Variants in ELOVL4 observed in about 807,000 individuals in gnomAD.
The protein encoded by ELOVL4 is very long chain fatty acid elongase 4.
In ELOVL4, 18 loss-of-function variants were observed where a neutral mutation model predicts 42.1. That is an observed-to-expected ratio of 0.43 (90% CI 0.30 to 0.63). The LOEUF (loss-of-function observed/expected upper bound fraction) is 0.63, where lower values mean the gene tolerates loss of function less well. Ranked by LOEUF, ELOVL4 falls within the 30% of genes least tolerant of loss-of-function variation. The pLI is 0.15. For missense variants in ELOVL4, 299 were observed against 376.2 expected, an observed-to-expected ratio of 0.79 and a Z score of 1.70; for synonymous variants, 117 against 127.0, an observed-to-expected ratio of 0.92 and a Z score of 0.53.
At chr6:79,941,986 GACA>G (rs1316645022) in intron 1 of ELOVL4, among the ~76,000 whole-genome samples, 2 of 152,334 alleles carry the variant, frequency 1.3e-5, no homozygotes, top group South Asian at 2.1e-4. Context: ...GCTCCTGTGA[GACA>G]ACAACTTGCT....
Position 79,916,450 on chromosome 6 carries a change from G to A in ELOVL4, c.*158C>T. The A allele has an allele frequency of 1.3e-6, 1 of 780,362 alleles. No individual in the cohort carries two copies. The highest frequency in any genetic ancestry group is 2.1e-6 in the Non-Finnish European group (1 of 472,218). The allele number at this position is 780,362 out of a possible 1,614,324, so 48.3% of individuals were successfully genotyped here. On this transcript the variant is annotated 3_prime_UTR_variant, in exon 6 of 6. Coordinates refer to ENST00000369816, the MANE Select transcript of ELOVL4 (RefSeq NM_022726.4). The stretch of plus-strand genomic sequence containing the variant: ...TTCATAAATAAAACATCTGGGTATG[G>A]TATTAACACTTTACTCAGTCTAAGA...
intron 1 of ELOVL4, among the ~76,000 whole-genome samples, chr6:79,926,837 G>C (rs13207287): frequency 2.0e-5 from 3 of 152,040 alleles, no homozygotes; most frequent in African/African-American, 7.3e-5. Context: ...AGGTACGTAC[G>C]GGGCGATGGT....
In ELOVL4 at chr6:79,944,987, CAAAAAAAAAAAA is replaced by C. The variant is rs200726708; in HGVS notation, c.100+2181_100+2192del. Among the ~76,000 whole-genome samples the C allele has an allele frequency of 8.6e-5, 8 of 92,998 alleles. No homozygotes were observed. In the East Asian group the frequency reaches 1.7e-3, roughly 19 times the overall value. The allele number at this position is 92,998 out of a possible 152,430, so 61.0% of individuals were successfully genotyped here. ...GGAATCAGAGCAGAGTGAATGAGTC[CAAAAAAAAAAAA>C]AAAAAAAAAAAAGGAACACGAGGGG... On this transcript the variant is annotated intron_variant, in intron 1 of 5. Coordinates refer to ENST00000369816, the MANE Select transcript of ELOVL4 (RefSeq NM_022726.4).
chr6:79,922,619 C>T (rs1044648143), intron 3 of ELOVL4, among the ~76,000 whole-genome samples: 1 of 152,120 alleles, frequency 6.6e-6, no homozygotes, highest in African/African-American at 2.4e-5. Flanking sequence ...ATCCTATGTG[C>T]AAATAACAAT....
At chr6:79,927,656 A>C (rs1233082690) in intron 1 of ELOVL4, among the ~76,000 whole-genome samples, 1 of 152,204 alleles carries the variant, frequency 6.6e-6, no homozygotes, top group Non-Finnish European at 1.5e-5. Flanking sequence ...GGTTTTAATG[A>C]AATCAGAGTT....
At chr6:79,941,749 T>C (rs985751804) in intron 1 of ELOVL4, among the ~76,000 whole-genome samples, 2 of 152,152 alleles carry the variant, frequency 1.3e-5, no homozygotes, top group South Asian at 2.1e-4. Context: ...TAAAGCCTTA[T>C]TCATGTTTAG....
chr6:79,947,271 G>A lies in ELOVL4; in HGVS notation c.9C>T (p.Leu3=), dbSNP rs886640951. ...GGACACTACCCGGCTCCGAGTCCAG[G>A]AGCCCCATCGCGGCGATGAGCGGGC... MG[L]LDSEPGSVLN... Residue 3 remains leucine (L), a synonymous_variant, in exon 1 of 6, where the codon CTC becomes CTT. Coordinates refer to ENST00000369816, the MANE Select transcript of ELOVL4 (RefSeq NM_022726.4). 1.2e-6 allele frequency: 2 copies of A among 1,612,372 alleles called. No individual in the cohort carries two copies. Among genetic ancestry groups the A allele is most frequent in the Admixed American group, 1.7e-5 (1 of 59,942 alleles).
At position 79,916,043 on chromosome 6, in the gene ELOVL4, A is replaced by G. The variant is rs1431299920; in HGVS notation, c.*565T>C. ...AAGCCTCTAAGATTCTACAGAGATC[A>G]GCAGATTTTAAAAATTTAATTACAA... is the stretch of plus-strand genomic sequence containing the variant. On this transcript the variant is annotated 3_prime_UTR_variant, in exon 6 of 6. Transcript: ENST00000369816. 6.4e-6 allele frequency: 1 copy of G among 155,368 alleles called. No homozygotes were observed. Among genetic ancestry groups the G allele is most frequent in the Non-Finnish European group, 1.4e-5 (1 of 69,836 alleles). 9.6% of individuals were successfully genotyped at this position (155,368 alleles called of 1,614,324 possible).
intron 1 of ELOVL4, among the ~76,000 whole-genome samples, chr6:79,944,251 A>G (rs1774698853): frequency 6.6e-6 from 1 of 152,206 alleles, no homozygotes. Flanking sequence ...TATTAGATGT[A>G]TACGTTGAGC....
intron 1 of ELOVL4, among the ~76,000 whole-genome samples, chr6:79,933,271 C>T (rs181766567): frequency 3.3e-5 from 5 of 152,198 alleles, no homozygotes; most frequent in African/African-American, 4.8e-5. Flanking sequence ...GGCTCTGTTG[C>T]CCAGACTAGA....
chr6:79,916,829 G>A lies in ELOVL4; in HGVS notation c.724C>T (p.Pro242Ser), dbSNP rs760668466. The change falls in exon 6 of 6, where the codon CCC becomes TCC. Residue 242 changes from proline to serine, a missense_variant. Pro to Ser is a moderately conservative substitution (Grantham distance 74). Coordinates refer to ENST00000369816, the MANE Select transcript of ELOVL4 (RefSeq NM_022726.4). ...GCCCAGTGCATCCATTTGGGGAAGG[G>A]GCAGTCAGTGTAAAGAGACAGTGCC... Reference protein sequence around the residue: ...HTALSLYTDCPFPKWMHWALI... With the variant: ...HTALSLYTDCSFPKWMHWALI... The A allele has an allele frequency of 4.3e-6, 7 of 1,614,028 alleles. No individual in the cohort carries two copies. Among genetic ancestry groups the A allele is most frequent in the Middle Eastern group, 1.6e-4 (1 of 6,084 alleles).
At chr6:79,917,568 C>A (rs936996794) in intron 5 of ELOVL4, among the ~76,000 whole-genome samples, 1 of 152,042 alleles carries the variant, frequency 6.6e-6, no homozygotes, top group Non-Finnish European at 1.5e-5. Context: ...GCCTGCAATC[C>A]CAGCACTCTG....
At chr6:79,921,457 CTCAAAAAAAAA>C (rs1463136945) in intron 4 of ELOVL4, among the ~76,000 whole-genome samples, 157 bp downstream of exon 4, 1 of 35,736 alleles carries the variant, frequency 2.8e-5, no homozygotes, top group East Asian at 8.0e-4. Flanking sequence ...GAGACTCCAT[CTCAAAAAAAAA>C]AAAAAAAAAA....
At chr6:79,942,455 T>C (rs1346084662) in intron 1 of ELOVL4, among the ~76,000 whole-genome samples, 2 of 152,208 alleles carry the variant, frequency 1.3e-5, no homozygotes, top group African/African-American at 2.4e-5. Context: ...AATATATGCC[T>C]AATTCAGAAT....
At chr6:79,940,374 T>C (rs7758672) in intron 1 of ELOVL4, among the ~76,000 whole-genome samples, 4,947 of 152,268 alleles carry the variant, frequency 0.032, 113 homozygotes, top group Middle Eastern at 0.061. Flanking sequence ...TTTTAAAAAT[T>C]TGTATTTTGA....
At chr6:79,944,905 C>T (rs1409542934) in intron 1 of ELOVL4, among the ~76,000 whole-genome samples, 1 of 147,372 alleles carries the variant, frequency 6.8e-6, no homozygotes, top group Admixed American at 7.0e-5. Flanking sequence ...ATCTTATAAG[C>T]TACTTTTCTA....
intron 4 of ELOVL4, among the ~76,000 whole-genome samples, chr6:79,920,010 G>A (rs568552144): frequency 1.3e-5 from 2 of 152,222 alleles, no homozygotes; most frequent in East Asian, 3.9e-4. Flanking sequence ...TAAATCTACA[G>A]AGATATTCCA....
chr6:79,928,727 GTT>G (rs34673896), intron 1 of ELOVL4, among the ~76,000 whole-genome samples: 10 of 75,608 alleles, frequency 1.3e-4, no homozygotes, highest in South Asian at 6.6e-4. Context: ...TGGTGACTGG[GTT>G]TTTTTTTTTT....
intron 1 of ELOVL4, 111 bp downstream of exon 1, chr6:79,947,069 G>C: frequency 1.1e-6 from 1 of 897,528 alleles, no homozygotes; most frequent in Non-Finnish European, 1.8e-6. Flanking sequence ...CGCAGCATCC[G>C]AAAGCCGCAG....
Sources: gnomAD v4.1 joint callset for allele counts (sites outside exome capture counted in the v4.1 genomes callset) on GRCh38, gnomAD v4.1.1 for gene constraint, MANE v1.5 for transcripts, NCBI Gene and HGNC (gene_info 2026-07-23, HGNC 2026-07-21) for gene names.